RGS18: variants seen among roughly 807,000 people sequenced by gnomAD.
RGS18 encodes the protein regulator of G-protein signaling 18.
A neutral mutation model predicts 27.6 loss-of-function variants in RGS18; 22 were observed. That is an observed-to-expected ratio of 0.80 (90% CI 0.57 to 1.14). The LOEUF (loss-of-function observed/expected upper bound fraction) is 1.14. Ranked by LOEUF, RGS18 falls within the 50% of genes most tolerant of loss-of-function variation. The pLI is 0.00. For synonymous variants in RGS18, 89 were observed against 84.6 expected (o/e 1.05, Z -0.29); for missense variants, 299 against 269.6 (o/e 1.11, Z -0.76).
At chr1:192,171,214 G>A (rs569182536) in intron 3 of RGS18, among the ~76,000 whole-genome samples, 1 of 151,942 alleles carries the variant, frequency 6.6e-6, no homozygotes. Context: ...AAAAGCATAT[G>A]CTCAGTGTGA....
intron 3 of RGS18, chr1:192,167,964 A>G (rs1020073016): frequency 6.6e-6 from 1 of 152,188 alleles, no homozygotes; most frequent in African/African-American, 2.4e-5. Context: ...TTGGCATCAG[A>G]AAAATACTCC....
At chr1:192,177,738 G>A (rs1052017235) in intron 3 of RGS18, among the ~76,000 whole-genome samples, 1 of 151,676 alleles carries the variant, frequency 6.6e-6, no homozygotes, top group Non-Finnish European at 1.5e-5. Flanking sequence ...ATTTAGAATA[G>A]GAAGGGAAAA....
At chr1:192,182,769 C>G (rs1273575463) in intron 4 of RGS18, among the ~76,000 whole-genome samples, 1 of 151,536 alleles carries the variant, frequency 6.6e-6, no homozygotes, top group Non-Finnish European at 1.5e-5. Flanking sequence ...TTCGCACAAG[C>G]AACCTCTCAT....
At chr1:192,169,831 A>T (rs1439309236) in intron 3 of RGS18, 5 of 152,214 alleles carry the variant, frequency 3.3e-5, no homozygotes, top group Non-Finnish European at 7.3e-5. Flanking sequence ...TCTATTAAAA[A>T]ATTAGAAAGA....
intron 4 of RGS18, among the ~76,000 whole-genome samples, chr1:192,181,760 T>A (rs1281794144): frequency 2.0e-5 from 3 of 151,612 alleles, no homozygotes; most frequent in African/African-American, 7.3e-5. Flanking sequence ...TATTATTCAC[T>A]ATAATCACCT....
At chr1:192,180,569 A>G (rs1656434134) in intron 3 of RGS18, among the ~76,000 whole-genome samples, 3 of 151,666 alleles carry the variant, frequency 2.0e-5, no homozygotes, top group Non-Finnish European at 4.4e-5. Context: ...TAAAATATAT[A>G]TGCTAGCCTT....
chr1:192,173,812 C>T (rs1342292301), intron 3 of RGS18, among the ~76,000 whole-genome samples: 3 of 151,720 alleles, frequency 2.0e-5, no homozygotes, highest in Admixed American at 2.0e-4. Flanking sequence ...GTGAAAGACT[C>T]TTGCTAGGGG....
chr1:192,172,088 G>T (rs953897206), intron 3 of RGS18, among the ~76,000 whole-genome samples: 9 of 151,938 alleles, frequency 5.9e-5, no homozygotes, highest in Admixed American at 2.0e-4. Flanking sequence ...TTCCCTTGCT[G>T]GCTGCAAACT....
At chr1:192,165,323 T>C (rs1443072279) in intron 3 of RGS18, among the ~76,000 whole-genome samples, 3 of 152,210 alleles carry the variant, frequency 2.0e-5, no homozygotes. Flanking sequence ...TCGACGACAA[T>C]GCTTGCACAG....
At chr1:192,170,623 T>C (rs1656237518) in intron 3 of RGS18, among the ~76,000 whole-genome samples, 1 of 151,946 alleles carries the variant, frequency 6.6e-6, no homozygotes, top group Non-Finnish European at 1.5e-5. Flanking sequence ...CTTAGTCTCC[T>C]TATTTTATTC....
chr1:192,164,923 T>G (rs10921100), intron 3 of RGS18, among the ~76,000 whole-genome samples: 62,944 of 151,932 alleles, frequency 0.41, 14,436 homozygotes, highest in East Asian at 0.71. Flanking sequence ...GTTTGAACGA[T>G]ATGAAATCTG....
At chr1:192,178,112 A>AC (rs1553229685) in intron 3 of RGS18, among the ~76,000 whole-genome samples, 70 of 151,204 alleles carry the variant, frequency 4.6e-4, no homozygotes, top group African/African-American at 1.6e-3. Context: ...TGAAAGGGGA[A>AC]TTTTTTTTTA....
intron 3 of RGS18, chr1:192,168,867 G>A (rs1656207377): frequency 6.6e-6 from 1 of 152,154 alleles, no homozygotes; most frequent in South Asian, 2.1e-4. Context: ...TTTAATGCAA[G>A]TTAACTCTTT....
intron 2 of RGS18, among the ~76,000 whole-genome samples, 181 bp downstream of exon 2, chr1:192,159,502 C>T (rs1656033562): frequency 1.3e-5 from 2 of 152,068 alleles, no homozygotes; most frequent in African/African-American, 4.8e-5. Context: ...AATTAAATCG[C>T]TTGAATTGAA....
chr1:192,171,996 G>A (rs1656263948), intron 3 of RGS18, among the ~76,000 whole-genome samples: 1 of 152,028 alleles, frequency 6.6e-6, no homozygotes, highest in East Asian at 1.9e-4. Context: ...TTTTTTTGGA[G>A]GGTTTAAGGA....
chr1:192,183,263 A>G (rs1277293125), intron 4 of RGS18, among the ~76,000 whole-genome samples: 1 of 151,658 alleles, frequency 6.6e-6, no homozygotes, highest in East Asian at 1.9e-4. Context: ...ATGCAGTGCT[A>G]TGATACAAGG....
At chr1:192,171,272 G>A (rs995237879) in intron 3 of RGS18, among the ~76,000 whole-genome samples, 2 of 151,964 alleles carry the variant, frequency 1.3e-5, no homozygotes, top group African/African-American at 4.8e-5. Context: ...AGAAAGAAGA[G>A]CGACTTGATC....
intron 3 of RGS18, among the ~76,000 whole-genome samples, chr1:192,179,789 C>T (rs1033129329): frequency 2.0e-4 from 31 of 151,386 alleles, no homozygotes; most frequent in African/African-American, 7.5e-4. Context: ...TTAGTGGTTC[C>T]CTGGAGTTAA....
intron 3 of RGS18, among the ~76,000 whole-genome samples, chr1:192,165,093 T>C (rs1281987458): frequency 6.6e-6 from 1 of 152,076 alleles, no homozygotes; most frequent in Non-Finnish European, 1.5e-5. Flanking sequence ...GTAAGGAATA[T>C]TAATAATTAA....
Sources: gnomAD v4.1 joint callset for allele counts (sites outside exome capture counted in the v4.1 genomes callset) on GRCh38, gnomAD v4.1.1 for gene constraint, MANE v1.5 for transcripts, NCBI Gene and HGNC (gene_info 2026-07-23, HGNC 2026-07-21) for gene names.